The following STK3 variants were observed in gnomAD, a reference collection of about 807,000 sequenced individuals.
The protein encoded by STK3 is serine/threonine kinase 3.
A neutral mutation model predicts 58.0 loss-of-function variants in STK3; 41 were observed. That is an observed-to-expected ratio of 0.71 (90% CI 0.55 to 0.92). STK3 has a LOEUF of 0.92. Among genes scored for constraint, STK3 ranks in the 40% least tolerant of loss-of-function variants. The pLI is 0.00. For synonymous variants in STK3, 170 were observed against 191.0 expected (o/e 0.89, Z 0.91); for missense variants, 479 against 602.7 (o/e 0.79, Z 2.15).
At chr8:98,693,461 G>T (rs1460013588) in intron 6 of STK3, among the ~76,000 whole-genome samples, 1 of 152,146 alleles carries the variant, frequency 6.6e-6, no homozygotes, top group Non-Finnish European at 1.5e-5. Flanking sequence ...TGTAGGCAGA[G>T]ATTAGAGTAA....
intron 6 of STK3, among the ~76,000 whole-genome samples, chr8:98,692,507 T>C (rs888990665): frequency 2.6e-5 from 4 of 152,186 alleles, no homozygotes; most frequent in South Asian, 2.1e-4. Flanking sequence ...ATGAAATATT[T>C]AGAACAGTCA....
intron 1 of STK3, among the ~76,000 whole-genome samples, chr8:98,801,838 T>G (rs1232626998): frequency 6.6e-6 from 1 of 152,122 alleles, no homozygotes; most frequent in Non-Finnish European, 1.5e-5. Flanking sequence ...TTCAAAACAG[T>G]AAGCTTGTTG....
chr8:98,558,475 C>G (rs971010231), intron 8 of STK3, among the ~76,000 whole-genome samples: 1 of 152,018 alleles, frequency 6.6e-6, no homozygotes, highest in African/African-American at 2.4e-5. Flanking sequence ...CCTCCACTTG[C>G]ATATAATAGC....
chr8:98,375,213 C>T (rs1586541119), intron 2 of STK3, among the ~76,000 whole-genome samples: 1 of 148,848 alleles, frequency 6.7e-6, no homozygotes, highest in Non-Finnish European at 1.5e-5. Context: ...CATTATCATG[C>T]TACTGTACTC....
upstream of STK3, chr8:98,825,768 GCCC>G: frequency 1.4e-5 from 1 of 71,422 alleles, no homozygotes; most frequent in African/African-American, 6.0e-5. Context: ...GCCCCGCCCC[GCCC>G]CCGGCCGCCC....
intron 3 of STK3, among the ~76,000 whole-genome samples, chr8:98,866,223 C>T (rs1338894636): frequency 6.6e-6 from 1 of 152,216 alleles, no homozygotes; most frequent in Non-Finnish European, 1.5e-5. Context: ...ACTGAGTGTT[C>T]ATTTTGCAGG....
chr8:98,704,070 T>C (rs558723031), intron 6 of STK3, among the ~76,000 whole-genome samples: 6 of 152,348 alleles, frequency 3.9e-5, no homozygotes, highest in Non-Finnish European at 8.8e-5. Flanking sequence ...AAAGCAGTTG[T>C]GTGACTGAGC....
chr8:98,846,628 G>A (rs1836209682), intron 3 of STK3, among the ~76,000 whole-genome samples: 1 of 152,070 alleles, frequency 6.6e-6, no homozygotes. Flanking sequence ...CTTAGTGCTT[G>A]AAATATCACA....
the STK3 span, among the ~76,000 whole-genome samples, chr8:98,346,695 T>C: frequency 4.0e-5 from 6 of 151,776 alleles, no homozygotes; most frequent in African/African-American, 1.2e-4. Flanking sequence ...TAGAATACTA[T>C]ACTCAGCAAA....
chr8:98,557,106 A>G (rs1811652098), intron 8 of STK3, among the ~76,000 whole-genome samples: 2 of 152,262 alleles, frequency 1.3e-5, no homozygotes, highest in East Asian at 1.9e-4. Flanking sequence ...GGCATGTCCA[A>G]TGCAACTGCA....
chr8:98,884,350 A>AT (rs1401010394), intron 1 of STK3, among the ~76,000 whole-genome samples: 2 of 152,064 alleles, frequency 1.3e-5, no homozygotes, highest in Non-Finnish European at 2.9e-5. Context: ...CTTCATTTTA[A>AT]TTTTTTTAAA....
chr8:98,394,060 G>T (rs907907182), intron 3 of STK3, among the ~76,000 whole-genome samples: 3 of 152,162 alleles, frequency 2.0e-5, no homozygotes, highest in Admixed American at 1.3e-4. Flanking sequence ...AGGAAGGGAT[G>T]GGGGTGGAGT....
At chr8:98,464,540 T>TAAAAAAAAAAAAA in intron 10 of STK3, among the ~76,000 whole-genome samples, 90 of 69,098 alleles carry the variant, frequency 1.3e-3, no homozygotes, top group East Asian at 2.4e-3. Flanking sequence ...TACTTAAAGT[T>TAAAAAAAAAAAAA]AAAAAAAAAA....
At chr8:98,705,960 A>C (rs1825934682) in intron 6 of STK3, among the ~76,000 whole-genome samples, 1 of 152,182 alleles carries the variant, frequency 6.6e-6, no homozygotes, top group Non-Finnish European at 1.5e-5. Flanking sequence ...GCATGCATTC[A>C]TTAAAAAAAA....
chr8:98,477,744 A>T (rs1484419967), intron 10 of STK3, among the ~76,000 whole-genome samples: 1 of 109,752 alleles, frequency 9.1e-6, no homozygotes, highest in Non-Finnish European at 1.8e-5. Context: ...TAATGAAGGC[A>T]AGGGAGAGGG....
intron 3 of STK3, among the ~76,000 whole-genome samples, chr8:98,854,175 G>A (rs889194295): frequency 1.3e-5 from 2 of 152,106 alleles, no homozygotes; most frequent in African/African-American, 4.8e-5. Flanking sequence ...GGCTTGTTCT[G>A]TCACCCAGGC....
chr8:98,498,052 G>A (rs1057040800), intron 10 of STK3, among the ~76,000 whole-genome samples: 1 of 152,110 alleles, frequency 6.6e-6, no homozygotes, highest in Non-Finnish European at 1.5e-5. Flanking sequence ...TCCTTACACG[G>A]CCTCATAGTA....
rs186165118 is a variant in STK3 at position 98,741,547 on chromosome 8, T to C, written c.351+7729A>G. On this transcript the variant is annotated intron_variant, in intron 4 of 10. Transcript: ENST00000419617. ...AAATAAAGATGGTCTTTAAAACCAA[T>C]GAGAACAAAGACACAACATACCAGA... 8.7e-3 allele frequency among the ~76,000 whole-genome samples: 1,320 copies of C among 152,140 alleles called. 10 individuals are homozygous for C. Among genetic ancestry groups the C allele is most frequent in the African/African-American group, 0.03 (1,243 of 41,492 alleles).
intron 10 of STK3, among the ~76,000 whole-genome samples, chr8:98,461,963 C>CT (rs59935847): frequency 0.03 from 4,526 of 149,770 alleles, 109 homozygotes; most frequent in South Asian, 0.062. Flanking sequence ...AATTAAAACA[C>CT]TTTTTTTTTT....
Sources: gnomAD v4.1 joint callset for allele counts (sites outside exome capture counted in the v4.1 genomes callset) on GRCh38, gnomAD v4.1.1 for gene constraint, MANE v1.5 for transcripts, NCBI Gene and HGNC (gene_info 2026-07-23, HGNC 2026-07-21) for gene names.